FAR2: variants seen among roughly 807,000 people sequenced by gnomAD.
FAR2 encodes the protein fatty acyl-CoA reductase 2, also known as epididymis secretory protein Li 81.
Under a neutral mutation model 56.0 loss-of-function variants are expected in FAR2, and 19 were observed. That is an observed-to-expected ratio of 0.34 (90% confidence interval 0.24 to 0.50). The LOEUF (loss-of-function observed/expected upper bound fraction) is 0.50, where lower values mean the gene tolerates loss of function less well. Ranked by LOEUF, FAR2 falls within the 20% of genes least tolerant of loss-of-function variation. The pLI is 0.98. For missense variants in FAR2, 508 were observed against 642.2 expected, an observed-to-expected ratio of 0.79 and a Z score of 2.26; for synonymous variants, 219 against 218.8, an observed-to-expected ratio of 1.00 and a Z score of -0.01.
In FAR2 at chr12:29,335,173, A is replaced by C. The variant is rs1949778738; in HGVS notation, c.*1379A>C. Reference sequence around the variant, plus strand: ...TATATTTATGCTCACTTCCTGGAGTAATTGGGTAATATTCAGAAAGGCACA... The same window carrying C: ...TATATTTATGCTCACTTCCTGGAGTCATTGGGTAATATTCAGAAAGGCACA... On this transcript the variant is annotated 3_prime_UTR_variant, in exon 12 of 12. Coordinates refer to ENST00000536681, the MANE Select transcript of FAR2 (RefSeq NM_001271783.2). The C allele has an allele frequency of 6.6e-6, 1 of 152,202 alleles. No individual in the cohort carries two copies. The highest frequency in any genetic ancestry group is 2.4e-5 in the African/African-American group (1 of 41,448). The allele number at this position is 152,202 out of a possible 1,614,324, so 9.4% of individuals were successfully genotyped here.
At chr12:29,204,713 C>T (rs1171587539) in intron 1 of FAR2, among the ~76,000 whole-genome samples, 1 of 152,142 alleles carries the variant, frequency 6.6e-6, no homozygotes, top group East Asian at 1.9e-4. Context: ...CCTTAGGTAA[C>T]AATCATGGCG....
intron 1 of FAR2, among the ~76,000 whole-genome samples, chr12:29,230,813 T>C (rs1026134046): frequency 6.6e-6 from 1 of 152,076 alleles, no homozygotes; most frequent in Admixed American, 6.6e-5. Context: ...CTCACTGAGA[T>C]AGGGAGAATG....
intron 10 of FAR2, among the ~76,000 whole-genome samples, chr12:29,325,663 C>T (rs181241421): frequency 1.2e-4 from 19 of 152,174 alleles, no homozygotes; most frequent in African/African-American, 3.1e-4. Context: ...GGGTACATAA[C>T]GAAATGAAGG....
chr12:29,247,282 A>G (rs1481435533), intron 1 of FAR2, among the ~76,000 whole-genome samples: 1 of 152,216 alleles, frequency 6.6e-6, no homozygotes, highest in Non-Finnish European at 1.5e-5. Context: ...CACTGTATGA[A>G]GCAACTAATG....
chr12:29,173,233 C>T (rs563708412), intron 1 of FAR2, among the ~76,000 whole-genome samples: 51 of 152,192 alleles, frequency 3.4e-4, no homozygotes, highest in African/African-American at 1.2e-3. Context: ...CCAAATTCCC[C>T]TTCCCCTACA....
At chr12:29,185,946 C>T (rs1184960806) in intron 1 of FAR2, among the ~76,000 whole-genome samples, 1 of 152,108 alleles carries the variant, frequency 6.6e-6, no homozygotes, top group Non-Finnish European at 1.5e-5. Flanking sequence ...GAGATTTTTC[C>T]ATGATGTTCT....
intron 2 of FAR2, among the ~76,000 whole-genome samples, chr12:29,272,689 G>C (rs916436154): frequency 2.0e-5 from 3 of 152,196 alleles, no homozygotes; most frequent in African/African-American, 7.2e-5. Flanking sequence ...GAGATGTTGT[G>C]ATCATTTGGA....
At chr12:29,211,319 C>A (rs1340705584) in intron 1 of FAR2, among the ~76,000 whole-genome samples, 1 of 152,160 alleles carries the variant, frequency 6.6e-6, no homozygotes, top group Admixed American at 6.5e-5. Flanking sequence ...TCTTGAATAT[C>A]TTGTGGGTGT....
At chr12:29,270,010 G>T (rs1445289948) in intron 1 of FAR2, among the ~76,000 whole-genome samples, 1 of 152,108 alleles carries the variant, frequency 6.6e-6, no homozygotes, top group Non-Finnish European at 1.5e-5. Flanking sequence ...GCCCTTCTCT[G>T]CCTTCCAAGC....
chr12:29,162,364 G>C (rs1949788757), intron 1 of FAR2, among the ~76,000 whole-genome samples: 1 of 152,156 alleles, frequency 6.6e-6, no homozygotes, highest in African/African-American at 2.4e-5. Context: ...GCACACAGTA[G>C]CAGTCTGGAT....
At chr12:29,325,453 T>C (rs1949628907) in intron 10 of FAR2, among the ~76,000 whole-genome samples, 1 of 152,210 alleles carries the variant, frequency 6.6e-6, no homozygotes, top group South Asian at 2.1e-4. Context: ...ATACATTATT[T>C]CCAGCACCAC....
intron 1 of FAR2, among the ~76,000 whole-genome samples, chr12:29,234,681 T>A (rs1947910570): frequency 6.6e-6 from 1 of 152,298 alleles, no homozygotes; most frequent in East Asian, 1.9e-4. Flanking sequence ...ATAAAACTTA[T>A]CCCTTTATGG....
In FAR2 at chr12:29,335,473, G is replaced by C. The variant is rs951003334; in HGVS notation, c.*1679G>C. On this transcript the variant is annotated 3_prime_UTR_variant, in exon 12 of 12. Coordinates refer to ENST00000536681, the MANE Select transcript of FAR2 (RefSeq NM_001271783.2). Reference sequence around the variant, plus strand: ...AGACATGATAAAAATATGAAATCAAGATATAGCTCAGTGGGATTGGATTAA... The same window carrying C: ...AGACATGATAAAAATATGAAATCAACATATAGCTCAGTGGGATTGGATTAA... 1 of 152,140 alleles carries C rather than the reference G, an allele frequency of 6.6e-6. No individual in the cohort carries two copies. The highest frequency in any genetic ancestry group is 2.4e-5 in the African/African-American group (1 of 41,424). The allele number at this position is 152,140 out of a possible 1,614,324, so 9.4% of individuals were successfully genotyped here.
chr12:29,218,201 C>CA (rs112093077), intron 1 of FAR2, among the ~76,000 whole-genome samples: 1,576 of 151,524 alleles, frequency 0.01, 30 homozygotes, highest in African/African-American at 0.036. Flanking sequence ...CTAAAAAATA[C>CA]AAAAAAAATT....
At chr12:29,321,662 A>T in intron 9 of FAR2, 133 bp from the exon 10 acceptor site, 3 of 1,034,034 alleles carry the variant, frequency 2.9e-6, no homozygotes, top group Non-Finnish European at 2.7e-6. Flanking sequence ...GAGAAAAAAG[A>T]AGAAGAATTT....
chr12:29,171,389 G>A (rs1217402899), intron 1 of FAR2: 1 of 152,554 alleles, frequency 6.6e-6, no homozygotes, highest in South Asian at 2.1e-4. Context: ...GTCCTTGCAT[G>A]AGGAGTGCCT....
chr12:29,257,174 C>T (rs1948332875), intron 1 of FAR2, among the ~76,000 whole-genome samples: 1 of 152,184 alleles, frequency 6.6e-6, no homozygotes, highest in African/African-American at 2.4e-5. Context: ...AATAGGCACT[C>T]TGTATCTAGC....
chr12:29,270,515 G>C lies in FAR2; in HGVS notation c.66G>C (p.Leu22=), dbSNP rs751598375. Residue 22 remains leucine, a synonymous_variant, in exon 2 of 12, where the codon CTG becomes CTC. Transcript: ENST00000536681. ...SILITGATGF[L]GKVLMEKLFR... is the part of the protein sequence containing the mutation. ...TCATCACGGGGGCCACAGGCTTTCT[G>C]GGCAAAGTGCTGATGGAGAAGCTGT... 6.2e-7 allele frequency: 1 copy of C among 1,613,154 alleles called. No individual in the cohort carries two copies. Among genetic ancestry groups the C allele is most frequent in the East Asian group, 2.2e-5 (1 of 44,854 alleles).
intron 2 of FAR2, among the ~76,000 whole-genome samples, chr12:29,284,378 A>C (rs1170166691): frequency 1.2e-4 from 18 of 152,368 alleles, no homozygotes; most frequent in Non-Finnish European, 8.8e-5. Context: ...CAAGGTTTTT[A>C]GAGAGGGACT....
Sources: gnomAD v4.1 joint callset for allele counts (sites outside exome capture counted in the v4.1 genomes callset) on GRCh38, gnomAD v4.1.1 for gene constraint, MANE v1.5 for transcripts, NCBI Gene and HGNC (gene_info 2026-07-23, HGNC 2026-07-21) for gene names.